Variants in CNTNAP2 observed in about 807,000 individuals in gnomAD.
CNTNAP2 encodes the protein contactin associated protein 2, also known as contactin-associated protein-like 2.
In CNTNAP2, 98 loss-of-function variants were observed where a neutral mutation model predicts 155.2. The ratio of observed to expected loss-of-function variants is 0.63; its 90% CI spans 0.54 to 0.75. The LOEUF (loss-of-function observed/expected upper bound fraction) is 0.75. Among genes scored for constraint, CNTNAP2 ranks in the 30% least tolerant of loss-of-function variants. The pLI, the probability that CNTNAP2 is intolerant of heterozygous loss-of-function variation, is 0.00. For synonymous variants in CNTNAP2, 651 were observed against 631.2 expected (o/e 1.03, Z -0.47); for missense variants, 1,727 against 1,688.1 (o/e 1.02, Z -0.40).
intron 11 of CNTNAP2, among the ~76,000 whole-genome samples, chr7:147,544,971 T>C (rs1799705418): frequency 6.6e-6 from 1 of 152,070 alleles, no homozygotes; most frequent in East Asian, 1.9e-4. Context: ...AATTACTCAG[T>C]CTCGAGTTTG....
intron 1 of CNTNAP2, among the ~76,000 whole-genome samples, chr7:146,643,805 C>A (rs961437899): frequency 6.6e-6 from 1 of 151,888 alleles, no homozygotes; most frequent in African/African-American, 2.4e-5. Flanking sequence ...ATGGAATGTT[C>A]TTCCATTTGT....
At chr7:148,164,124 G>A (rs2116678641) in intron 17 of CNTNAP2, among the ~76,000 whole-genome samples, 1 of 152,114 alleles carries the variant, frequency 6.6e-6, no homozygotes, top group East Asian at 1.9e-4. Context: ...TAGTAGAAAT[G>A]GGGTTTCACC....
At chr7:148,258,120 G>A (rs957970760) in intron 20 of CNTNAP2, among the ~76,000 whole-genome samples, 6 of 152,212 alleles carry the variant, frequency 3.9e-5, no homozygotes, top group Non-Finnish European at 7.3e-5. Context: ...AAGTCCAGAG[G>A]TGAGGTGTTA....
chr7:146,618,480 A>G (rs556061519), intron 1 of CNTNAP2, among the ~76,000 whole-genome samples: 2 of 152,302 alleles, frequency 1.3e-5, no homozygotes, highest in African/African-American at 4.8e-5. Flanking sequence ...CATGTCTAAG[A>G]GAGGAATATT....
intron 9 of CNTNAP2, among the ~76,000 whole-genome samples, chr7:147,361,360 T>C (rs1453080036): frequency 2.0e-5 from 3 of 152,218 alleles, no homozygotes; most frequent in African/African-American, 7.2e-5. Flanking sequence ...TATTCAGTTT[T>C]GTGTGCATGC....
chr7:146,853,727 T>C (rs1478267402), intron 3 of CNTNAP2, among the ~76,000 whole-genome samples: 1 of 152,080 alleles, frequency 6.6e-6, no homozygotes, highest in Non-Finnish European at 1.5e-5. Context: ...TGATTATAGG[T>C]GAGTTGTCTG....
chr7:147,122,026 A>G (rs1023295509), intron 6 of CNTNAP2: 1 of 152,102 alleles, frequency 6.6e-6, no homozygotes, highest in African/African-American at 2.4e-5. Flanking sequence ...AAATACAAAA[A>G]TTAGCTGGTT....
At chr7:147,896,614 C>T (rs1799781610) in intron 13 of CNTNAP2, among the ~76,000 whole-genome samples, 1 of 152,052 alleles carries the variant, frequency 6.6e-6, no homozygotes, top group Admixed American at 6.6e-5. Context: ...GGATGGGAGG[C>T]ACCAGATCAG....
intron 1 of CNTNAP2, among the ~76,000 whole-genome samples, chr7:146,650,635 C>T (rs1433292071): frequency 6.6e-6 from 1 of 151,964 alleles, no homozygotes; most frequent in African/African-American, 2.4e-5. Context: ...CAGTTGTATA[C>T]CTATGTAACA....
intron 1 of CNTNAP2, among the ~76,000 whole-genome samples, chr7:146,195,528 C>G (rs1426964523): frequency 6.6e-6 from 1 of 152,124 alleles, no homozygotes; most frequent in Non-Finnish European, 1.5e-5. Context: ...TTCTTACTGC[C>G]AATGATATTT....
intron 1 of CNTNAP2, among the ~76,000 whole-genome samples, chr7:146,655,542 A>G (rs970877144): frequency 1.3e-5 from 2 of 152,060 alleles, no homozygotes; most frequent in Admixed American, 1.3e-4. Context: ...CATAATGAAT[A>G]TATTTTCCAT....
intron 15 of CNTNAP2, among the ~76,000 whole-genome samples, chr7:148,101,098 A>G (rs1032492120): frequency 2.2e-5 from 3 of 135,236 alleles, no homozygotes; most frequent in South Asian, 5.5e-4. Flanking sequence ...ACACATGGAC[A>G]CAGGAAAGGG....
intron 3 of CNTNAP2, among the ~76,000 whole-genome samples, chr7:147,017,270 C>T (rs901801920): frequency 6.6e-6 from 1 of 150,692 alleles, no homozygotes; most frequent in African/African-American, 2.5e-5. Flanking sequence ...ATTACACACA[C>T]GTTATTTAAC....
chr7:147,436,740 G>A (rs1476008696), intron 10 of CNTNAP2, among the ~76,000 whole-genome samples: 1 of 152,178 alleles, frequency 6.6e-6, no homozygotes, highest in East Asian at 1.9e-4. Flanking sequence ...CACAGATGAA[G>A]TAAATTTTCT....
At chr7:146,357,498 A>T (rs1275619276) in intron 1 of CNTNAP2, among the ~76,000 whole-genome samples, 1 of 152,094 alleles carries the variant, frequency 6.6e-6, no homozygotes, top group Non-Finnish European at 1.5e-5. Context: ...TATAGATAAG[A>T]TATACTCTTG....
At position 146,654,397 on chromosome 7, in the gene CNTNAP2, G is replaced by A. The variant is rs1377736904; in HGVS notation, c.98-119874G>A. ...TATATTGAGTTGTGTGGTGTTGGTAGCACTTGTTACTCACCCTAGAATGTG... is the reference window on the plus strand; with the variant it reads ...TATATTGAGTTGTGTGGTGTTGGTAACACTTGTTACTCACCCTAGAATGTG... On this transcript the variant is annotated intron_variant, in intron 1 of 23. Coordinates refer to ENST00000361727, the MANE Select transcript of CNTNAP2 (RefSeq NM_014141.6). Among the ~76,000 whole-genome samples, 3 of 152,034 alleles carry A rather than the reference G, an allele frequency of 2.0e-5. No homozygotes were observed. The East Asian group carries it at 5.8e-4, about 29-fold the overall frequency.
intron 15 of CNTNAP2, among the ~76,000 whole-genome samples, chr7:148,019,588 C>G (rs58848818): frequency 0.066 from 10,024 of 152,106 alleles, 739 homozygotes; most frequent in African/African-American, 0.19. Context: ...TCCTGAGTAG[C>G]TGGACTTACA....
intron 12 of CNTNAP2, among the ~76,000 whole-genome samples, chr7:147,588,101 A>AAGAT (rs760821011): frequency 1.1e-4 from 17 of 152,282 alleles, no homozygotes; most frequent in East Asian, 1.9e-4. Flanking sequence ...TGAATCCAAA[A>AAGAT]AGATAGATAG....
intron 21 of CNTNAP2, among the ~76,000 whole-genome samples, chr7:148,340,477 C>T (rs1798208505): frequency 6.6e-6 from 1 of 152,166 alleles, no homozygotes; most frequent in African/African-American, 2.4e-5. Context: ...GTTTGGTTAT[C>T]CATGAAGGTG....
Sources: gnomAD v4.1 joint callset for allele counts (sites outside exome capture counted in the v4.1 genomes callset) on GRCh38, gnomAD v4.1.1 for gene constraint, MANE v1.5 for transcripts, NCBI Gene and HGNC (gene_info 2026-07-23, HGNC 2026-07-21) for gene names.